ANO4: variants seen among roughly 807,000 people sequenced by gnomAD.
ANO4 encodes the protein anoctamin-4.
A neutral mutation model predicts 141.9 loss-of-function variants in ANO4; 69 were observed. The observed-to-expected ratio is 0.49, with a 90% CI of 0.40 to 0.59. The LOEUF (loss-of-function observed/expected upper bound fraction) is 0.59. ANO4 is among the 20% of genes least tolerant of loss of function. ANO4 has a pLI of 0.00. For missense variants in ANO4, 894 were observed against 1,162.2 expected (o/e 0.77, Z 3.36); for synonymous variants, 350 against 394.3 (o/e 0.89, Z 1.33).
chr12:100,844,766 TATAAA>T (rs1473245634), intron 1 of ANO4, among the ~76,000 whole-genome samples: 1 of 93,688 alleles, frequency 1.1e-5, no homozygotes, highest in African/African-American at 3.5e-5. Flanking sequence ...CACGTGGAGG[TATAAA>T]ATAGTCAGCC....
chr12:101,120,127 T>C (rs931159914), intron 25 of ANO4, among the ~76,000 whole-genome samples: 1 of 152,182 alleles, frequency 6.6e-6, no homozygotes, highest in Non-Finnish European at 1.5e-5. Context: ...TCTGCTTTGT[T>C]TTCTTGACTT....
rs576262498 is a variant in ANO4, at chr12:100,884,678, C to A, written c.-140-16968C>A. On this transcript the variant is annotated intron_variant, in intron 1 of 27. Transcript: ENST00000392977. ...TGTTCCTTCTGTCTTTCTGGAGACT[C>A]TAGGGGAGAATCTGTTTTATGGCCT... Among the ~76,000 whole-genome samples the A allele has an allele frequency of 2.4e-4, 36 of 152,180 alleles. 2 individuals are homozygous for A. Among genetic ancestry groups the A allele is most frequent in the Admixed American group, 2.2e-3 (34 of 15,276 alleles).
At chr12:101,104,690 ATGCTCCT>A (rs2050372786) in intron 22 of ANO4, among the ~76,000 whole-genome samples, 1 of 132,894 alleles carries the variant, frequency 7.5e-6, no homozygotes, top group Non-Finnish European at 1.6e-5. Flanking sequence ...GATTTACCTT[ATGCTCCT>A]TTATACCATC....
intron 8 of ANO4, among the ~76,000 whole-genome samples, chr12:100,998,076 G>T (rs1238930412): frequency 6.6e-6 from 1 of 152,004 alleles, no homozygotes; most frequent in African/African-American, 2.4e-5. Context: ...TGTCTGTGAG[G>T]CCAAAATAGA....
At chr12:100,870,127 G>A (rs1399447) in intron 1 of ANO4, among the ~76,000 whole-genome samples, 16,407 of 152,196 alleles carry the variant, frequency 0.11, 1,029 homozygotes, top group South Asian at 0.17. Flanking sequence ...TGATGATGAG[G>A]AGCAGTTACT....
chr12:101,034,826 A>G (rs2047129430), intron 9 of ANO4, among the ~76,000 whole-genome samples: 1 of 152,200 alleles, frequency 6.6e-6, no homozygotes, highest in Non-Finnish European at 1.5e-5. Context: ...TTTAAATATT[A>G]TTCATTAAAA....
chr12:101,096,589 CT>C lies in ANO4; in HGVS notation c.1797del (p.Gln600SerfsTer5). ...WENSFTLKMF[L>X]FQFVNLNSST... Reference sequence around the variant, plus strand: ...GAACAGCTTCACCCTGAAAATGTTTCTTTTTCAGTTTGTCAATCTGAACAGC... The same window carrying C: ...GAACAGCTTCACCCTGAAAATGTTTCTTTTCAGTTTGTCAATCTGAACAGC... On this transcript the variant is annotated frameshift_variant, in exon 19 of 28. Transcript: ENST00000392977. LOFTEE classifies it high-confidence loss of function. 6.2e-7 allele frequency: 1 copy of C among 1,613,588 alleles called. No homozygotes were observed. The highest frequency in any genetic ancestry group is 8.5e-7 in the Non-Finnish European group (1 of 1,179,666).
chr12:100,983,694 C>T (rs1258843951), intron 7 of ANO4, among the ~76,000 whole-genome samples: 4 of 152,192 alleles, frequency 2.6e-5, no homozygotes, highest in African/African-American at 9.6e-5. Flanking sequence ...CTTTGAATCT[C>T]TCTGATTCTC....
chr12:100,790,222 T>C (rs2034000673), upstream of ANO4, among the ~76,000 whole-genome samples: 1 of 152,224 alleles, frequency 6.6e-6, no homozygotes. Flanking sequence ...GCTGGAAATG[T>C]AGACTGAAGT....
chr12:100,729,243 A>G (rs2031270627), intron 1 of ANO4, among the ~76,000 whole-genome samples: 1 of 151,254 alleles, frequency 6.6e-6, no homozygotes, highest in Non-Finnish European at 1.5e-5. Context: ...ATTCCATCTT[A>G]TGGATATCCT....
intron 3 of ANO4, among the ~76,000 whole-genome samples, chr12:100,748,745 T>G (rs972790908): frequency 7.2e-5 from 11 of 152,196 alleles, no homozygotes; most frequent in African/African-American, 2.7e-4. Context: ...CATTTCTTTT[T>G]TTTTCTACTT....
At chr12:101,061,887 C>T (rs1166255033) in intron 14 of ANO4, among the ~76,000 whole-genome samples, 2 of 152,134 alleles carry the variant, frequency 1.3e-5, no homozygotes, top group Admixed American at 6.5e-5. Flanking sequence ...TCTGTCAATT[C>T]GTCAAACTCA....
At chr12:101,098,487 C>G (rs1460893109) in intron 21 of ANO4, among the ~76,000 whole-genome samples, 2 of 152,164 alleles carry the variant, frequency 1.3e-5, no homozygotes, top group Non-Finnish European at 2.9e-5. Flanking sequence ...CATGTCAGCT[C>G]AATGTCTCTG....
chr12:100,914,769 T>G (rs571711198), intron 2 of ANO4, among the ~76,000 whole-genome samples: 41 of 152,286 alleles, frequency 2.7e-4, no homozygotes, highest in African/African-American at 8.9e-4. Flanking sequence ...GAACACTGGC[T>G]GATGCCAGGA....
At chr12:100,890,107 G>A (rs1041356441) in intron 1 of ANO4, among the ~76,000 whole-genome samples, 2 of 152,044 alleles carry the variant, frequency 1.3e-5, no homozygotes, top group Non-Finnish European at 2.9e-5. Flanking sequence ...TATTTATTGA[G>A]TATGTCAGGC....
intron 8 of ANO4, among the ~76,000 whole-genome samples, chr12:101,012,692 T>A (rs1190447937): frequency 6.6e-6 from 1 of 152,200 alleles, no homozygotes. Flanking sequence ...AAGATCTTAT[T>A]CATTTTTTTT....
In ANO4 at chr12:101,020,098, A is replaced by G; in HGVS notation, c.799A>G (p.Ile267Val). Reference sequence around the variant, plus strand: ...CACAAGAAGTAGAATCGTGCATCACATTTTACAAAGAATAAAATATGAAGA... The same window carrying G: ...CACAAGAAGTAGAATCGTGCATCACGTTTTACAAAGAATAAAATATGAAGA... ...NATRSRIVHHILQRIKYEEGK... is the reference protein window; with the variant it reads ...NATRSRIVHHVLQRIKYEEGK... The change falls in exon 9 of 28, where the codon ATT becomes GTT. Residue 267 changes from isoleucine (I) to valine (V), a missense_variant. Transcript: ENST00000392977. 2 of 1,613,564 alleles carry G rather than the reference A, an allele frequency of 1.2e-6. No homozygotes were observed. The highest frequency in any genetic ancestry group is 1.7e-6 in the Non-Finnish European group (2 of 1,179,596).
At chr12:100,979,599 A>T (rs1295527504) in intron 7 of ANO4, among the ~76,000 whole-genome samples, 1 of 152,146 alleles carries the variant, frequency 6.6e-6, no homozygotes, top group Non-Finnish European at 1.5e-5. Context: ...AGGGGACAGG[A>T]TTTAAAACAG....
At chr12:100,971,262 GC>G (rs1389695552) in intron 5 of ANO4, 43 bp from the exon 6 acceptor site, 4 of 1,395,504 alleles carry the variant, frequency 2.9e-6, no homozygotes, top group Non-Finnish European at 4.0e-6. Flanking sequence ...AACTGTGGGA[GC>G]CTTGAATATA....
Sources: allele counts gnomAD v4.1 joint callset (sites outside exome capture counted in the v4.1 genomes callset), GRCh38; gene constraint gnomAD v4.1.1; transcripts MANE v1.5; gene names NCBI Gene and HGNC (gene_info 2026-07-23, HGNC 2026-07-21).